Variants in MAML3 observed in about 807,000 individuals in gnomAD.
MAML3 encodes the protein mastermind like transcriptional coactivator 3.
A neutral mutation model predicts 101.9 loss-of-function variants in MAML3; 27 were observed. The ratio of observed to expected loss-of-function variants is 0.27; its 90% CI spans 0.20 to 0.37. The LOEUF (loss-of-function observed/expected upper bound fraction) is 0.37. Ranked by LOEUF, MAML3 falls within the 10% of genes least tolerant of loss-of-function variation. The pLI, the probability that MAML3 is intolerant of heterozygous loss-of-function variation, is 1.00. For synonymous variants in MAML3, 501 were observed against 555.9 expected (o/e 0.90, Z 1.39); for missense variants, 1,316 against 1,444.9 (o/e 0.91, Z 1.45).
chr4:140,069,317 G>C (rs1460071719), intron 1 of MAML3, among the ~76,000 whole-genome samples: 1 of 149,940 alleles, frequency 6.7e-6, no homozygotes, highest in Non-Finnish European at 1.5e-5. Context: ...GCAAGACTCT[G>C]TCCAAGAAGA....
chr4:139,980,912 C>T (rs1279787368), intron 1 of MAML3, among the ~76,000 whole-genome samples: 1 of 152,212 alleles, frequency 6.6e-6, no homozygotes, highest in Non-Finnish European at 1.5e-5. Context: ...GAATACTCCT[C>T]TCTGTTGATT....
chr4:139,862,066 G>A (rs927506254), intron 2 of MAML3, among the ~76,000 whole-genome samples: 1 of 152,068 alleles, frequency 6.6e-6, no homozygotes, highest in African/African-American at 2.4e-5. Flanking sequence ...AAAATTAGCT[G>A]GGCATGGTGG....
intron 1 of MAML3, among the ~76,000 whole-genome samples, chr4:140,055,432 TTTTG>T (rs1239553320): frequency 6.6e-6 from 1 of 152,226 alleles, no homozygotes; most frequent in African/African-American, 2.4e-5. Flanking sequence ...TGCTTATTGT[TTTTG>T]TTTATTTGTT....
chr4:139,918,674 G>A (rs1358930237), intron 1 of MAML3, among the ~76,000 whole-genome samples: 1 of 152,154 alleles, frequency 6.6e-6, no homozygotes, highest in Non-Finnish European at 1.5e-5. Context: ...CCTAGTCTGT[G>A]TTGCTCACTA....
In MAML3 at chr4:139,885,784, T is replaced by C. The variant is rs1171907428; in HGVS notation, c.2079+3573A>G. Among the ~76,000 whole-genome samples, 7 of 134,926 alleles carry C rather than the reference T, an allele frequency of 5.2e-5. No individual in the cohort carries two copies. In the East Asian group the frequency reaches 1.5e-3, roughly 29 times the overall value. 88.5% of individuals were successfully genotyped at this position (134,926 alleles called of 152,430 possible). ...TAAACATACAAAAAAAAAAAAAAAA[T>C]TAGCCAGGCGTGCCGGCAGGCGCCT... On this transcript the variant is annotated intron_variant, in intron 2 of 4. Coordinates refer to ENST00000509479, the MANE Select transcript of MAML3 (RefSeq NM_018717.5).
intron 2 of MAML3, among the ~76,000 whole-genome samples, chr4:139,747,431 C>T (rs755143594): frequency 3.9e-5 from 6 of 152,198 alleles, no homozygotes; most frequent in African/African-American, 9.7e-5. Context: ...CAGTGGCTCA[C>T]GCCTGTAATC....
intron 2 of MAML3, among the ~76,000 whole-genome samples, chr4:139,832,099 T>A (rs1282790832): frequency 1.2e-5 from 1 of 85,780 alleles, no homozygotes; most frequent in Non-Finnish European, 2.1e-5. Flanking sequence ...AGCCCCTTTT[T>A]TTTTTTTTTT....
chr4:139,748,281 G>A (rs1270524369), intron 2 of MAML3, among the ~76,000 whole-genome samples: 4 of 152,064 alleles, frequency 2.6e-5, no homozygotes, highest in African/African-American at 7.2e-5. Flanking sequence ...TCCCTAGGCT[G>A]GGGTTTCTAG....
intron 1 of MAML3, among the ~76,000 whole-genome samples, chr4:139,946,910 C>A (rs1000851598): frequency 5.8e-5 from 7 of 121,290 alleles, no homozygotes; most frequent in Admixed American, 1.5e-4. Context: ...CACACACACA[C>A]ACACACACAC....
intron 2 of MAML3, among the ~76,000 whole-genome samples, chr4:139,862,728 C>T (rs943785099): frequency 6.6e-6 from 1 of 152,038 alleles, no homozygotes; most frequent in African/African-American, 2.4e-5. Flanking sequence ...TCAATGAATA[C>T]CCATATAAGA....
intron 1 of MAML3, among the ~76,000 whole-genome samples, chr4:139,983,868 C>T (rs1734487812): frequency 6.6e-6 from 1 of 152,108 alleles, no homozygotes; most frequent in South Asian, 2.1e-4. Context: ...GTCAGCACCC[C>T]CATGTGTTTT....
rs541061715 is a variant in MAML3 at position 139,718,143 on chromosome 4, A to C, written c.*1180T>G. On this transcript the variant is annotated 3_prime_UTR_variant, in exon 5 of 5. Coordinates refer to ENST00000509479, the MANE Select transcript of MAML3 (RefSeq NM_018717.5). The stretch of plus-strand genomic sequence containing the variant: ...AGCCTGAACCAGTGACCTCCAGGCC[A>C]CTCCTTCCTGGGGATATCAGAAATA... 6.6e-6 allele frequency: 1 copy of C among 151,918 alleles called. No individual in the cohort carries two copies. The highest frequency in any genetic ancestry group is 1.5e-5 in the Non-Finnish European group (1 of 67,986). 9.4% of individuals were successfully genotyped at this position (151,918 alleles called of 1,614,324 possible).
chr4:139,925,166 A>T (rs978220847), intron 1 of MAML3, among the ~76,000 whole-genome samples: 2 of 152,120 alleles, frequency 1.3e-5, no homozygotes, highest in Non-Finnish European at 2.9e-5. Flanking sequence ...CCGAGAAATG[A>T]CCTCAATCTG....
At chr4:139,934,160 ATATT>A (rs1458211435) in intron 1 of MAML3, among the ~76,000 whole-genome samples, 3 of 151,462 alleles carry the variant, frequency 2.0e-5, no homozygotes, top group African/African-American at 7.3e-5. Flanking sequence ...GTGTTTATGA[ATATT>A]TGTGAGTGCA....
At chr4:139,935,194 G>A (rs1396237007) in intron 1 of MAML3, among the ~76,000 whole-genome samples, 2 of 149,808 alleles carry the variant, frequency 1.3e-5, no homozygotes, top group Non-Finnish European at 3.0e-5. Flanking sequence ...GCAGTTACAT[G>A]GCAACCATCA....
intron 2 of MAML3, among the ~76,000 whole-genome samples, chr4:139,767,382 G>A (rs1729884388): frequency 6.6e-6 from 1 of 152,226 alleles, no homozygotes; most frequent in Non-Finnish European, 1.5e-5. Flanking sequence ...ATTGGTTTAA[G>A]CTGTCTTAAA....
intron 2 of MAML3, among the ~76,000 whole-genome samples, chr4:139,747,575 T>C (rs1270889150): frequency 6.6e-6 from 1 of 152,034 alleles, no homozygotes; most frequent in Non-Finnish European, 1.5e-5. Context: ...GTGCCTGTAA[T>C]CCCAGCTACT....
intron 4 of MAML3, among the ~76,000 whole-genome samples, chr4:139,720,540 A>AAGTC (rs1480241524): frequency 2.0e-5 from 3 of 151,342 alleles, no homozygotes; most frequent in Non-Finnish European, 4.4e-5. Context: ...ACAAAAATTA[A>AAGTC]AGTCACCTGA....
At chr4:139,831,665 C>T (rs1319542255) in intron 2 of MAML3, among the ~76,000 whole-genome samples, 1 of 152,114 alleles carries the variant, frequency 6.6e-6, no homozygotes, top group African/African-American at 2.4e-5. Flanking sequence ...AGCATGGGAT[C>T]GCCTTCTCCT....
Sources: allele counts gnomAD v4.1 joint callset (sites outside exome capture counted in the v4.1 genomes callset), GRCh38; gene constraint gnomAD v4.1.1; transcripts MANE v1.5; gene names NCBI Gene and HGNC (gene_info 2026-07-23, HGNC 2026-07-21).